Variants in TERF2IP observed in about 807,000 individuals in gnomAD.
TERF2IP encodes telomeric repeat-binding factor 2-interacting protein 1.
Under a neutral mutation model 33.3 loss-of-function variants are expected in TERF2IP, and 35 were observed. That is an observed-to-expected ratio of 1.05 (90% CI 0.80 to 1.39). TERF2IP has a LOEUF of 1.39. Ranked by LOEUF, TERF2IP falls within the 40% of genes most tolerant of loss-of-function variation. The pLI is 0.00. For missense variants in TERF2IP, 583 were observed against 524.8 expected (o/e 1.11, Z -1.08); for synonymous variants, 253 against 223.2 (o/e 1.13, Z -1.19).
At position 75,648,126 on chromosome 16, in the gene TERF2IP, C is replaced by A. The variant is rs753345034; in HGVS notation, c.244C>A (p.Gln82Lys). Reference protein sequence around the residue: ...AEASGDFISTQYILDCVERNE... With the variant: ...AEASGDFISTKYILDCVERNE... The stretch of plus-strand genomic sequence containing the variant: ...GGCCTCGGGTGATTTCATCTCCACG[C>A]AGTACATCCTGGACTGCGTGGAGCG... Residue 82 changes from glutamine (Q) to lysine (K), a missense_variant, in exon 1 of 3, where the codon CAG becomes AAG. Gln to Lys is a moderately conservative substitution (Grantham distance 53, BLOSUM62 1). Coordinates refer to ENST00000300086, the MANE Select transcript of TERF2IP (RefSeq NM_018975.4). 7 of 1,560,224 alleles carry A rather than the reference C, an allele frequency of 4.5e-6. No homozygotes were observed. The highest frequency in any genetic ancestry group is 6.1e-6 in the Non-Finnish European group (7 of 1,153,980).
intron 1 of TERF2IP, among the ~76,000 whole-genome samples, chr16:75,654,071 A>G (rs16941865): frequency 0.013 from 2,007 of 151,500 alleles, 53 homozygotes; most frequent in African/African-American, 0.046. Context: ...TTTCAGAAGC[A>G]AGCATAGAAA....
At chr16:75,650,352 G>C (rs577917206) in intron 1 of TERF2IP, among the ~76,000 whole-genome samples, 1 of 152,246 alleles carries the variant, frequency 6.6e-6, no homozygotes, top group Admixed American at 6.5e-5. Flanking sequence ...TTCAGGCAGA[G>C]GAAGAAGCCA....
chr16:75,650,597 G>A (rs112394726), intron 1 of TERF2IP, among the ~76,000 whole-genome samples: 4,732 of 152,194 alleles, frequency 0.031, 110 homozygotes, highest in African/African-American at 0.063. Context: ...GTGCGGTAGT[G>A]CGATCACGGC....
intron 1 of TERF2IP, among the ~76,000 whole-genome samples, chr16:75,652,466 T>A (rs995669987): frequency 1.1e-4 from 16 of 152,208 alleles, no homozygotes; most frequent in African/African-American, 3.6e-4. Context: ...CATATACCCA[T>A]CACCCACCTT....
rs1165171791 is a variant in TERF2IP, at chr16:75,647,893, C to T, written c.11C>T (p.Ala4Val). 6.2e-7 allele frequency: 1 copy of T among 1,604,774 alleles called. No individual in the cohort carries two copies. The highest frequency in any genetic ancestry group is 1.7e-5 in the Admixed American group (1 of 59,360). The change falls in exon 1 of 3, where the codon GCG becomes GTG. Residue 4 changes from alanine to valine, a missense_variant. Physicochemically the swap from Ala to Val is moderately conservative, Grantham distance 64. Coordinates refer to ENST00000300086, the MANE Select transcript of TERF2IP (RefSeq NM_018975.4). ...TGCTCGGCGTCAGACATGGCGGAGG[C>T]GATGGATTTGGGCAAAGACCCCAAC... is the stretch of plus-strand genomic sequence containing the variant. MAE[A>V]MDLGKDPNGP...
Position 75,656,673 on chromosome 16 carries a change from A to C in TERF2IP, c.*62A>C. ...GGTGAGGTGGTTAAAAAAAATTGTGACCAATGAACTTTAGAGAGTTCTTGC... is the reference window on the plus strand; with the variant it reads ...GGTGAGGTGGTTAAAAAAAATTGTGCCCAATGAACTTTAGAGAGTTCTTGC... On this transcript the variant is annotated 3_prime_UTR_variant, in exon 3 of 3. Transcript: ENST00000300086. 3 of 1,472,092 alleles carry C rather than the reference A, an allele frequency of 2.0e-6. No homozygotes were observed. The highest frequency in any genetic ancestry group is 2.7e-6 in the Non-Finnish European group (3 of 1,092,444). 91.2% of individuals were successfully genotyped at this position (1,472,092 alleles called of 1,614,324 possible).
chr16:75,648,060 G>A lies in TERF2IP; in HGVS notation c.178G>A (p.Gly60Arg), dbSNP rs201689771. The part of the protein sequence containing the change: ...GGTVCRVQEP[G>R]AVLLAQPGEA... ...CACCGTGTGCCGAGTGCAGGAGCCC[G>A]GGGCCGTGCTGCTGGCCCAGCCCGG... The change falls in exon 1 of 3, where the codon GGG becomes AGG. Residue 60 changes from glycine (G) to arginine (R), a missense_variant. By Grantham distance (125) the Gly-to-Arg change is moderately radical. Coordinates refer to ENST00000300086, the MANE Select transcript of TERF2IP (RefSeq NM_018975.4). 170 of 1,593,764 alleles carry A rather than the reference G, an allele frequency of 1.1e-4. 2 individuals carry two copies. In the East Asian group the frequency reaches 3.4e-3, roughly 32 times the overall value.
intron 1 of TERF2IP, among the ~76,000 whole-genome samples, chr16:75,651,324 A>G (rs564191430): frequency 4.6e-5 from 7 of 152,288 alleles, no homozygotes; most frequent in South Asian, 4.2e-4. Context: ...AGGAAATGGA[A>G]CAGGAAGTTC....
At chr16:75,652,911 T>G (rs1227652372) in intron 1 of TERF2IP, among the ~76,000 whole-genome samples, 1 of 152,088 alleles carries the variant, frequency 6.6e-6, no homozygotes, top group African/African-American at 2.4e-5. Context: ...AAACACTAAT[T>G]CCCCATTTCT....
At chr16:75,650,377 A>T (rs1048177359) in intron 1 of TERF2IP, among the ~76,000 whole-genome samples, 3 of 152,188 alleles carry the variant, frequency 2.0e-5, no homozygotes, top group Non-Finnish European at 2.9e-5. Context: ...AATCGCCCTT[A>T]GGTGGGAGTA....
At position 75,648,273 on chromosome 16, in the gene TERF2IP, G is replaced by A. The variant is rs2082318140; in HGVS notation, c.391G>A (p.Ala131Thr). 7.1e-6 allele frequency: 11 copies of A among 1,549,170 alleles called. No homozygotes were observed. Among genetic ancestry groups the A allele is most frequent in the Non-Finnish European group, 9.6e-6 (11 of 1,146,092 alleles). ...CGCGGAGCCGGAGCCGCAGCGGCAC[G>A]CCGGGCGGATCGCCTTCACGGATGC... ...GAAEPEPQRH[A>T]GRIAFTDADD... Residue 131 changes from alanine (A) to threonine (T), a missense_variant, in exon 1 of 3, where the codon GCC (alanine) becomes ACC (threonine). By Grantham distance (58) the Ala-to-Thr change is moderately conservative (BLOSUM62 0). Transcript: ENST00000300086.
chr16:75,650,673 C>G (rs1373330180), intron 1 of TERF2IP, among the ~76,000 whole-genome samples: 1 of 152,072 alleles, frequency 6.6e-6, no homozygotes, highest in Non-Finnish European at 1.5e-5. Flanking sequence ...GTAGCTGGGA[C>G]TACAGGCACT....
chr16:75,655,137 C>G (rs1185906983), intron 2 of TERF2IP, among the ~76,000 whole-genome samples: 2 of 152,260 alleles, frequency 1.3e-5, no homozygotes, highest in African/African-American at 4.8e-5. Flanking sequence ...CTGCCTCAGC[C>G]TCCTGGGTAA....
At chr16:75,649,415 G>C (rs370868292) in intron 1 of TERF2IP, among the ~76,000 whole-genome samples, 13 of 152,026 alleles carry the variant, frequency 8.6e-5, no homozygotes, top group African/African-American at 3.1e-4. Flanking sequence ...GTGGCGGAGA[G>C]TTCCTGTAGT....
At chr16:75,651,991 G>A (rs531220626) in intron 1 of TERF2IP, among the ~76,000 whole-genome samples, 37 of 152,240 alleles carry the variant, frequency 2.4e-4, no homozygotes, top group Admixed American at 1.0e-3. Context: ...ATACTCCTAC[G>A]TTGTTAATAG....
chr16:75,654,934 T>C (rs1032112688), intron 2 of TERF2IP, among the ~76,000 whole-genome samples: 9 of 152,208 alleles, frequency 5.9e-5, no homozygotes, highest in Non-Finnish European at 1.2e-4. Context: ...TTCACTGTGT[T>C]AGCCAGGATG....
rs2082310561 is a variant in TERF2IP, at chr16:75,647,842, T to G, written c.-41T>G. The G allele has an allele frequency of 6.3e-7, 1 of 1,596,060 alleles. No homozygotes were observed. Among genetic ancestry groups the G allele is most frequent in the Admixed American group, 1.7e-5 (1 of 58,254 alleles). On this transcript the variant is annotated 5_prime_UTR_variant, in exon 1 of 3. Transcript: ENST00000300086. Reference sequence around the variant, plus strand: ...CAGTTGAGCTCTGTGTGCCAGGCGCTCGCGAGGGGGTAGCTCTTCTAGTAG... The same window carrying G: ...CAGTTGAGCTCTGTGTGCCAGGCGCGCGCGAGGGGGTAGCTCTTCTAGTAG...
chr16:75,648,617 G>A, intron 1 of TERF2IP, 65 bp downstream of exon 1: 1 of 1,451,642 alleles, frequency 6.9e-7, no homozygotes, highest in East Asian at 2.5e-5. Context: ...CTTTCTCCTG[G>A]CTGCCTGGCG....
intron 2 of TERF2IP, among the ~76,000 whole-genome samples, chr16:75,655,472 T>C (rs932559154): frequency 3.9e-5 from 6 of 152,242 alleles, no homozygotes; most frequent in Admixed American, 3.3e-4. Flanking sequence ...GGAAATAATT[T>C]AAAGCTTCTG....
Sources: allele counts gnomAD v4.1 joint callset (sites outside exome capture counted in the v4.1 genomes callset), GRCh38; gene constraint gnomAD v4.1.1; transcripts MANE v1.5; gene names NCBI Gene and HGNC (gene_info 2026-07-23, HGNC 2026-07-21).